The following SLC24A3 variants were observed in gnomAD, a reference collection of about 807,000 sequenced individuals.
SLC24A3 encodes the protein sodium/potassium/calcium exchanger 3.
In SLC24A3, 28 loss-of-function variants were observed where a neutral mutation model predicts 75.8. That is an observed-to-expected ratio of 0.37 (90% confidence interval 0.27 to 0.51). The LOEUF (loss-of-function observed/expected upper bound fraction) is 0.51. SLC24A3 is among the 20% of genes least tolerant of loss of function. The pLI is 0.94. For missense variants in SLC24A3, 663 were observed against 847.8 expected (o/e 0.78, Z 2.71); for synonymous variants, 372 against 334.1 (o/e 1.11, Z -1.24).
intron 1 of SLC24A3, among the ~76,000 whole-genome samples, chr20:19,225,576 C>T (rs1981848407): frequency 6.6e-6 from 1 of 152,088 alleles, no homozygotes; most frequent in Non-Finnish European, 1.5e-5. Context: ...CCAAAAACCC[C>T]CCTCAAGCTA....
chr20:19,463,887 T>TG, intron 2 of SLC24A3, among the ~76,000 whole-genome samples: 1 of 152,156 alleles, frequency 6.6e-6, no homozygotes, highest in Non-Finnish European at 1.5e-5. Context: ...CCAAGATTGC[T>TG]GGGGGGCAGC....
intron 1 of SLC24A3, among the ~76,000 whole-genome samples, chr20:19,271,362 A>G (rs1983325329): frequency 6.6e-6 from 1 of 152,162 alleles, no homozygotes; most frequent in African/African-American, 2.4e-5. Context: ...GGATGTGGTG[A>G]AAGGGAACAC....
intron 2 of SLC24A3, among the ~76,000 whole-genome samples, chr20:19,458,459 C>A (rs1244652476): frequency 6.6e-6 from 1 of 152,184 alleles, no homozygotes; most frequent in African/African-American, 2.4e-5. Context: ...CTGTCACCAT[C>A]AGCTGTCTCC....
In SLC24A3 at chr20:19,225,666, G is replaced by A. The variant is rs145560344; in HGVS notation, c.142+12682G>A. On this transcript the variant is annotated intron_variant, in intron 1 of 16. Transcript: ENST00000328041. Reference sequence around the variant, plus strand: ...ACTATAGTTTTGTCTTTTTGAGAACGTCATAGATGGAGTTCTATAGTTTAT... The same window carrying A: ...ACTATAGTTTTGTCTTTTTGAGAACATCATAGATGGAGTTCTATAGTTTAT... Among the ~76,000 whole-genome samples, 476 of 152,116 alleles carry A rather than the reference G, an allele frequency of 3.1e-3. 3 individuals are homozygous for A. Among genetic ancestry groups the A allele is most frequent in the Non-Finnish European group, 4.7e-3 (320 of 67,988 alleles).
chr20:19,410,852 C>T (rs748722187), intron 2 of SLC24A3, among the ~76,000 whole-genome samples: 3 of 152,172 alleles, frequency 2.0e-5, no homozygotes, highest in African/African-American at 7.2e-5. Context: ...GTGAAAGGCA[C>T]CATCTTTAAA....
At chr20:19,383,441 C>A (rs1191690302) in intron 2 of SLC24A3, among the ~76,000 whole-genome samples, 1 of 152,024 alleles carries the variant, frequency 6.6e-6, no homozygotes, top group Non-Finnish European at 1.5e-5. Context: ...TGTGAAATGT[C>A]CTGAAGCTAC....
chr20:19,302,943 C>A (rs941428392), intron 2 of SLC24A3, among the ~76,000 whole-genome samples: 2 of 151,540 alleles, frequency 1.3e-5, no homozygotes, highest in African/African-American at 2.4e-5. Context: ...AGTTAAATGA[C>A]CCATTTAAGG....
intron 2 of SLC24A3, among the ~76,000 whole-genome samples, chr20:19,366,003 C>A (rs1488844563): frequency 6.6e-6 from 1 of 152,124 alleles, no homozygotes; most frequent in Non-Finnish European, 1.5e-5. Context: ...CCTTTGCTAA[C>A]CCCTTCCAGG....
intron 2 of SLC24A3, among the ~76,000 whole-genome samples, chr20:19,419,572 C>T (rs922865059): frequency 6.6e-6 from 1 of 152,106 alleles, no homozygotes; most frequent in African/African-American, 2.4e-5. Context: ...CCCAGCTGTC[C>T]ATCTGTCATG....
chr20:19,535,315 T>C (rs1169165695), intron 3 of SLC24A3, among the ~76,000 whole-genome samples: 1 of 152,264 alleles, frequency 6.6e-6, no homozygotes, highest in African/African-American at 2.4e-5. Flanking sequence ...CTTGGCTGCC[T>C]TTCTCATGTT....
rs548844283 is a variant in SLC24A3, at chr20:19,306,008, A to G, written c.271+24921A>G. ...GACAGAAGTCTAATGTCTAGAATCTATAAGGAACTTAATTCAATAAGCACA... is the reference window on the plus strand; with the variant it reads ...GACAGAAGTCTAATGTCTAGAATCTGTAAGGAACTTAATTCAATAAGCACA... On this transcript the variant is annotated intron_variant, in intron 2 of 16. Transcript: ENST00000328041. Among the ~76,000 whole-genome samples the G allele has an allele frequency of 1.8e-4, 28 of 152,122 alleles. No individual in the cohort carries two copies. In the East Asian group the frequency reaches 3.3e-3, roughly 18 times the overall value.
chr20:19,385,962 A>G (rs1409395037), intron 2 of SLC24A3, among the ~76,000 whole-genome samples: 3 of 152,188 alleles, frequency 2.0e-5, no homozygotes, highest in African/African-American at 7.2e-5. Context: ...GAAAAATACC[A>G]TTGGAATTTT....
intron 6 of SLC24A3, among the ~76,000 whole-genome samples, chr20:19,589,933 T>G (rs2031350726): frequency 6.6e-6 from 1 of 152,038 alleles, no homozygotes; most frequent in Non-Finnish European, 1.5e-5. Context: ...TCCATTCTCC[T>G]TCCAAAAGGG....
chr20:19,361,501 A>T (rs1363002273), intron 2 of SLC24A3, among the ~76,000 whole-genome samples: 4 of 152,206 alleles, frequency 2.6e-5, no homozygotes, highest in Admixed American at 2.0e-4. Flanking sequence ...ATTGACTAGG[A>T]CAAGCCCCAA....
chr20:19,714,309 G>T (rs944184466), intron 15 of SLC24A3, among the ~76,000 whole-genome samples: 1 of 150,942 alleles, frequency 6.6e-6, no homozygotes. Context: ...GGAGGCTAAG[G>T]CAGGAGGATC....
intron 2 of SLC24A3, among the ~76,000 whole-genome samples, chr20:19,414,824 C>A (rs986690323): frequency 1.3e-5 from 2 of 152,140 alleles, no homozygotes; most frequent in African/African-American, 2.4e-5. Flanking sequence ...GGACAAATAA[C>A]CTGTAAATTA....
At chr20:19,640,189 T>C (rs1349400188) in intron 6 of SLC24A3, among the ~76,000 whole-genome samples, 1 of 152,238 alleles carries the variant, frequency 6.6e-6, no homozygotes, top group Non-Finnish European at 1.5e-5. Context: ...CAGCACGCTG[T>C]CACCTCTCAG....
intron 3 of SLC24A3, among the ~76,000 whole-genome samples, chr20:19,568,491 G>A (rs182428121): frequency 8.5e-5 from 13 of 152,286 alleles, no homozygotes; most frequent in African/African-American, 3.1e-4. Context: ...ATTATGCTAA[G>A]TGAAATAAGC....
At chr20:19,696,143 A>T (rs2032803648) in intron 13 of SLC24A3, among the ~76,000 whole-genome samples, 1 of 149,850 alleles carries the variant, frequency 6.7e-6, no homozygotes, top group African/African-American at 2.5e-5. Context: ...TCAGCCTCTC[A>T]AGGAGCTGGG....
Sources: gnomAD v4.1 joint callset for allele counts (sites outside exome capture counted in the v4.1 genomes callset) on GRCh38, gnomAD v4.1.1 for gene constraint, MANE v1.5 for transcripts, NCBI Gene and HGNC (gene_info 2026-07-23, HGNC 2026-07-21) for gene names.